The following POPDC2 variants were observed in gnomAD, a reference collection of about 807,000 sequenced individuals.
POPDC2 encodes popeye domain-containing protein 2.
POPDC2 carries 24 observed loss-of-function variants against 30.5 expected under a neutral mutation model. That is an observed-to-expected ratio of 0.79 (90% CI 0.57 to 1.11). The LOEUF is 1.11. POPDC2 is among the 50% of genes least tolerant of loss of function. The probability of loss-of-function intolerance (pLI) is 0.00; values close to 1 mark genes in which losing one functional copy is unlikely to be tolerated. For synonymous variants in POPDC2, 185 were observed against 183.3 expected (o/e 1.01, Z -0.07); for missense variants, 409 against 447.0 (o/e 0.91, Z 0.77).
intron 3 of POPDC2, among the ~76,000 whole-genome samples, chr3:119,647,359 C>T (rs1307472198): frequency 6.6e-6 from 1 of 152,142 alleles, no homozygotes; most frequent in Non-Finnish European, 1.5e-5. Flanking sequence ...GAGCAATTTC[C>T]CAGAACCACT....
chr3:119,654,987 C>T (rs2052863489), intron 1 of POPDC2, among the ~76,000 whole-genome samples: 1 of 152,192 alleles, frequency 6.6e-6, no homozygotes, highest in Non-Finnish European at 1.5e-5. Context: ...ATTTACATCT[C>T]CCCAGTGATT....
rs1880040 is a variant in POPDC2, at chr3:119,660,025, G to A, written c.399C>T (p.Cys133=). The part of the protein sequence containing the change: ...LQTYKEIVHC[C]EEQVLTLATE... ...TGGCCAGAGTTAAGACCTGCTCCTC[G>A]CAGCAGTGAACAATCTCCTTGTATG... Residue 133 remains cysteine, a synonymous_variant, in exon 1 of 4, where the codon TGC becomes TGT. Coordinates refer to ENST00000493094, the MANE Select transcript of POPDC2 (RefSeq NM_001369919.2). 0.45 allele frequency: 724,684 copies of A among 1,613,790 alleles called. 164,639 individuals carry two copies. Among genetic ancestry groups the A allele is most frequent in the South Asian group, 0.53 (47,941 of 91,066 alleles).
intron 1 of POPDC2, among the ~76,000 whole-genome samples, chr3:119,658,375 G>A (rs1439492834): frequency 1.3e-5 from 2 of 152,156 alleles, no homozygotes; most frequent in African/African-American, 2.4e-5. Context: ...CCAAGGGCAA[G>A]CCCCCCTCTC....
At position 119,648,120 on chromosome 3, in the gene POPDC2, T is replaced by C; in HGVS notation, c.*42A>G. ...AGCGGCTGCCTTCTGAGTACTTACA[T>C]AGGATCCTGAGCCGGTGGCTGTGCC... On this transcript the variant is annotated splice_region_variant and 3_prime_UTR_variant, in exon 3 of 4. Transcript: ENST00000493094. 1 of 1,459,546 alleles carries C rather than the reference T, an allele frequency of 6.9e-7. No homozygotes were observed. The highest frequency in any genetic ancestry group is 9.1e-7 in the Non-Finnish European group (1 of 1,104,326). The allele number at this position is 1,459,546 out of a possible 1,614,324, so 90.4% of individuals were successfully genotyped here. A position where few individuals can be genotyped will look rare whatever the true frequency, so the allele number is the denominator to read the frequency against.
At chr3:119,645,790 G>T (rs2052739712) in intron 3 of POPDC2, among the ~76,000 whole-genome samples, 1 of 152,162 alleles carries the variant, frequency 6.6e-6, no homozygotes, top group Non-Finnish European at 1.5e-5. Context: ...ATGTCCTGGG[G>T]CTTGTGTCTA....
intron 2 of POPDC2, among the ~76,000 whole-genome samples, chr3:119,654,041 G>A (rs77985611): frequency 0.016 from 2,471 of 152,222 alleles, 80 homozygotes; most frequent in African/African-American, 0.055. Context: ...GTGAGGTTCC[G>A]TGGTCTCATC....
chr3:119,650,450 C>T (rs141177918), intron 2 of POPDC2, among the ~76,000 whole-genome samples: 10 of 152,310 alleles, frequency 6.6e-5, no homozygotes, highest in Non-Finnish European at 1.5e-4. Flanking sequence ...TCCACAAAGA[C>T]TGTTCCTGTT....
chr3:119,659,812 T>A lies in POPDC2; in HGVS notation c.491+121A>T, dbSNP rs2052920357. ...ATTTTGGTTTGTTTGACTTGTCACATCCTTCCCTCAATGGAAGGGGACACG... is the reference window on the plus strand; with the variant it reads ...ATTTTGGTTTGTTTGACTTGTCACAACCTTCCCTCAATGGAAGGGGACACG... On this transcript the variant is annotated intron_variant, in intron 1 of 3. Transcript: ENST00000493094. 6 of 1,267,566 alleles carry A rather than the reference T, an allele frequency of 4.7e-6. No homozygotes were observed. The South Asian group carries it at 8.2e-5, about 17-fold the overall frequency. The allele number at this position is 1,267,566 out of a possible 1,614,324, so 78.5% of individuals were successfully genotyped here.
chr3:119,648,530 T>A lies in POPDC2; in HGVS notation c.739A>T (p.Thr247Ser). ...TTAGCAAAGAGCTTGTCATTGAGAG[T>A]GTAGAGCTTCTCTGAGATGTCATAT... ...LGYDISEKLY[T>S]LNDKLFAKFG... The change falls in exon 3 of 4, where the codon ACT (threonine) becomes TCT (serine). Residue 247 changes from threonine (T) to serine (S), a missense_variant. By Grantham distance (58) the Thr-to-Ser change is moderately conservative. Transcript: ENST00000493094. The A allele has an allele frequency of 6.2e-7, 1 of 1,613,754 alleles. No homozygotes were observed. The highest frequency in any genetic ancestry group is 8.5e-7 in the Non-Finnish European group (1 of 1,179,918).
intron 3 of POPDC2, among the ~76,000 whole-genome samples, chr3:119,645,566 C>CAAAAAAAAAA (rs201320482): frequency 2.6e-5 from 3 of 115,108 alleles, no homozygotes; most frequent in Non-Finnish European, 5.2e-5. Flanking sequence ...CCGTCTCAAA[C>CAAAAAAAAAA]AAAAAAAAAA....
intron 1 of POPDC2, among the ~76,000 whole-genome samples, chr3:119,658,273 C>T (rs1311478320): frequency 1.3e-5 from 2 of 152,128 alleles, no homozygotes; most frequent in African/African-American, 4.8e-5. Context: ...AAAACTCTTA[C>T]TCCAAACCTT....
rs765748806 is a variant in POPDC2 at position 119,659,989 on chromosome 3, G to A, written c.435C>T (p.Thr145=). 6.2e-7 allele frequency: 1 copy of A among 1,613,636 alleles called. No homozygotes were observed. The highest frequency in any genetic ancestry group is 1.3e-5 in the African/African-American group (1 of 75,058). Residue 145 remains threonine (T), a synonymous_variant, in exon 1 of 4, where the codon ACC becomes ACT. Coordinates refer to ENST00000493094, the MANE Select transcript of POPDC2 (RefSeq NM_001369919.2). ...EQVLTLATEQ[T]YAVEGETPIN... ...TGGGTGTCTCACCCTCCACAGCATA[G>A]GTCTGTTCAGTGGCCAGAGTTAAGA...
rs1430941833 is a variant in POPDC2, at chr3:119,660,280, A to G, written c.144T>C (p.Tyr48=). Reference sequence around the variant, plus strand: ...GGAAGCCAAAAAGATAGAAGCATCCATACACCCCACTGCCCCCCATGAAGC... The same window carrying G: ...GGAAGCCAAAAAGATAGAAGCATCCGTACACCCCACTGCCCCCCATGAAGC... ...LLGFMGGSGV[Y]GCFYLFGFLS... Residue 48 remains tyrosine, a synonymous_variant, in exon 1 of 4, where the codon TAT becomes TAC. Transcript: ENST00000493094. 1.9e-6 allele frequency: 3 copies of G among 1,614,056 alleles called. No individual in the cohort carries two copies. The highest frequency in any genetic ancestry group is 2.7e-5 in the African/African-American group (2 of 74,916).
At chr3:119,654,435 T>G (rs185770039) in intron 2 of POPDC2, 70 bp downstream of exon 2, 9 of 1,042,986 alleles carry the variant, frequency 8.6e-6, no homozygotes, top group Non-Finnish European at 1.3e-5. Flanking sequence ...AGGGGAAACA[T>G]GGAGGCACGG....
upstream of POPDC2, chr3:119,660,597 A>AGTACACTTC: frequency 1.5e-6 from 1 of 664,438 alleles, no homozygotes; most frequent in Non-Finnish European, 2.5e-6. Flanking sequence ...GATGGAACAT[A>AGTACACTTC]GTACACTTCA....
chr3:119,656,201 AGT>A (rs2052877150), intron 1 of POPDC2, among the ~76,000 whole-genome samples: 7 of 152,220 alleles, frequency 4.6e-5, no homozygotes, highest in Admixed American at 1.3e-4. Context: ...AAAATGTCCT[AGT>A]AGGACATGTT....
At chr3:119,659,046 A>C (rs13065543) in intron 1 of POPDC2, among the ~76,000 whole-genome samples, 66,019 of 151,886 alleles carry the variant, frequency 0.43, 14,875 homozygotes, top group South Asian at 0.58. Context: ...AGGGCAGTAT[A>C]AAAAAATCCA....
In POPDC2 at chr3:119,642,542, C is replaced by T. The variant is rs1298682460; in HGVS notation, c.*63G>A. On this transcript the variant is annotated 3_prime_UTR_variant, in exon 4 of 4. Transcript: ENST00000493094. ...CCCTGGATATAACTTGAGAGTAGCT[C>T]TGGAGAGGAATTCTAGAAGCTGTGG... 6.2e-7 allele frequency: 1 copy of T among 1,612,418 alleles called. No individual in the cohort carries two copies. The highest frequency in any genetic ancestry group is 1.7e-5 in the Admixed American group (1 of 60,026).
chr3:119,651,925 C>T (rs1329575611), intron 2 of POPDC2, among the ~76,000 whole-genome samples: 3 of 152,178 alleles, frequency 2.0e-5, no homozygotes, highest in Admixed American at 6.5e-5. Context: ...TGAGCCACCG[C>T]GCCCAGCCTC....
Sources: allele counts gnomAD v4.1 joint callset (sites outside exome capture counted in the v4.1 genomes callset), GRCh38; gene constraint gnomAD v4.1.1; transcripts MANE v1.5; gene names NCBI Gene and HGNC (gene_info 2026-07-23, HGNC 2026-07-21).